PHLDB2: variants seen among roughly 807,000 people sequenced by gnomAD.
PHLDB2 encodes pleckstrin homology like domain family B member 2, also known as pleckstrin homology-like domain family B member 2.
In PHLDB2, 71 loss-of-function variants were observed where a neutral mutation model predicts 123.6. The observed-to-expected ratio is 0.57, with a 90% CI of 0.47 to 0.70. The LOEUF is 0.70. Ranked by LOEUF, PHLDB2 falls within the 30% of genes least tolerant of loss-of-function variation. The probability of loss-of-function intolerance (pLI) is 0.00; values close to 1 mark genes in which losing one functional copy is unlikely to be tolerated. For synonymous variants in PHLDB2, 547 were observed against 541.6 expected, an observed-to-expected ratio of 1.01 and a Z score of -0.14; for missense variants, 1,446 against 1,519.5, an observed-to-expected ratio of 0.95 and a Z score of 0.80.
At chr3:111,878,078 G>T (rs1576974533) in intron 1 of PHLDB2, among the ~76,000 whole-genome samples, 1 of 152,008 alleles carries the variant, frequency 6.6e-6, no homozygotes, top group Admixed American at 6.6e-5. Context: ...GTTTTTTCCA[G>T]TTCTGTGAAG....
chr3:111,740,934 A>AG (rs1314548920), intron 1 of PHLDB2, among the ~76,000 whole-genome samples: 1 of 150,992 alleles, frequency 6.6e-6, no homozygotes, highest in Non-Finnish European at 1.5e-5. Flanking sequence ...GGGAGAGGAG[A>AG]GGGGGGAGAA....
intron 1 of PHLDB2, among the ~76,000 whole-genome samples, chr3:111,735,664 C>T (rs1404707593): frequency 2.6e-5 from 4 of 152,158 alleles, no homozygotes; most frequent in Non-Finnish European, 5.9e-5. Flanking sequence ...ACTTACATGC[C>T]ATCATTTTCA....
At chr3:111,789,299 A>C (rs4516581) in intron 1 of PHLDB2, among the ~76,000 whole-genome samples, 32,752 of 152,108 alleles carry the variant, frequency 0.22, 3,855 homozygotes, top group African/African-American at 0.3. Context: ...GCTTTCTGAG[A>C]AGGTGTAATA....
At position 111,901,251 on chromosome 3, in the gene PHLDB2, T is replaced by A. The variant is rs550842683; in HGVS notation, c.1336-12068T>A. ...GGCACATGCCTGTGGTCCCAGCTACTCAGGAGGCTGAGGCAGGAAAATCAC... is the reference window on the plus strand; with the variant it reads ...GGCACATGCCTGTGGTCCCAGCTACACAGGAGGCTGAGGCAGGAAAATCAC... On this transcript the variant is annotated intron_variant, in intron 2 of 17. Coordinates refer to ENST00000431670, the MANE Select transcript of PHLDB2 (RefSeq NM_001134438.2). Among the ~76,000 whole-genome samples, 5 of 151,606 alleles carry A rather than the reference T, an allele frequency of 3.3e-5. No homozygotes were observed. The South Asian group carries it at 1.0e-3, about 32-fold the overall frequency.
chr3:111,943,101 A>G (rs2107607764), intron 8 of PHLDB2, among the ~76,000 whole-genome samples: 1 of 152,262 alleles, frequency 6.6e-6, no homozygotes, highest in South Asian at 2.1e-4. Flanking sequence ...ACAACTTTGA[A>G]CGAGAACAAA....
intron 2 of PHLDB2, among the ~76,000 whole-genome samples, chr3:111,908,951 G>C (rs1315716013): frequency 6.6e-6 from 1 of 152,080 alleles, no homozygotes; most frequent in Non-Finnish European, 1.5e-5. Flanking sequence ...ACTTACTTTA[G>C]GGCTGTTGTA....
intron 1 of PHLDB2, among the ~76,000 whole-genome samples, chr3:111,868,417 C>T (rs888406682): frequency 2.0e-5 from 3 of 152,044 alleles, no homozygotes; most frequent in Non-Finnish European, 4.4e-5. Context: ...TCTCTTTAAT[C>T]GAGAATACTT....
At chr3:111,974,154 ACTC>A (rs779497825) in intron 17 of PHLDB2, among the ~76,000 whole-genome samples, 25 of 152,062 alleles carry the variant, frequency 1.6e-4, no homozygotes, top group Non-Finnish European at 3.1e-4. Flanking sequence ...TATTTATTAA[ACTC>A]CTACTCTCAG....
chr3:111,911,065 G>T (rs2067855812), intron 2 of PHLDB2, among the ~76,000 whole-genome samples: 1 of 152,160 alleles, frequency 6.6e-6, no homozygotes, highest in Non-Finnish European at 1.5e-5. Flanking sequence ...CTTAAGGCTG[G>T]GATCATTTAT....
chr3:111,748,595 C>G (rs2059719284), intron 1 of PHLDB2, among the ~76,000 whole-genome samples: 1 of 152,066 alleles, frequency 6.6e-6, no homozygotes, highest in South Asian at 2.1e-4. Flanking sequence ...GATCTCGGCT[C>G]ACTGCAACCT....
chr3:111,778,366 T>C (rs920444893), intron 1 of PHLDB2: 1 of 152,050 alleles, frequency 6.6e-6, no homozygotes, highest in East Asian at 1.9e-4. Context: ...GCTTCCCTCA[T>C]AGCCTTCAGA....
Position 111,884,730 on chromosome 3 carries a change from C to A in PHLDB2, c.653C>A (p.Ala218Glu). ...ARKMSIQDSL[A>E]LQPKLTRHKE... ...AAAATGAGCATTCAGGACAGCCTGG[C>A]GCTTCAACCCAAGTTAACTAGACAC... The change falls in exon 2 of 18, where the codon GCG becomes GAG. Residue 218 changes from alanine to glutamate, a missense_variant. This residue lies in a region of PHLDB2 where 832 missense variants were observed against 831.9 expected (regional missense o/e 1.00). Coordinates refer to ENST00000431670, the MANE Select transcript of PHLDB2 (RefSeq NM_001134438.2). 6.2e-7 allele frequency: 1 copy of A among 1,614,032 alleles called. No individual in the cohort carries two copies. Among genetic ancestry groups the A allele is most frequent in the African/African-American group, 1.3e-5 (1 of 75,000 alleles).
intron 1 of PHLDB2, among the ~76,000 whole-genome samples, chr3:111,782,367 A>C (rs1426970678): frequency 1.3e-5 from 2 of 152,056 alleles, no homozygotes; most frequent in African/African-American, 4.8e-5. Context: ...TCAGTTCCAA[A>C]ATATAAAGCG....
At chr3:111,903,255 T>C (rs2067304406) in intron 2 of PHLDB2, among the ~76,000 whole-genome samples, 1 of 152,240 alleles carries the variant, frequency 6.6e-6, no homozygotes, top group East Asian at 1.9e-4. Flanking sequence ...CTGGGTTTTA[T>C]GTCAAGGGTG....
chr3:111,951,418 A>T (rs1233220005), intron 10 of PHLDB2, among the ~76,000 whole-genome samples: 1 of 152,230 alleles, frequency 6.6e-6, no homozygotes, highest in African/African-American at 2.4e-5. Flanking sequence ...GCTAGTATAA[A>T]CAGTTAATTA....
intron 1 of PHLDB2, among the ~76,000 whole-genome samples, chr3:111,860,859 T>A (rs1359883171): frequency 6.6e-6 from 1 of 152,204 alleles, no homozygotes; most frequent in Admixed American, 6.5e-5. Context: ...AGACGAGGCA[T>A]AAAAATGTGG....
chr3:111,921,160 GT>G (rs995407608), intron 5 of PHLDB2, among the ~76,000 whole-genome samples: 12 of 152,042 alleles, frequency 7.9e-5, no homozygotes, highest in Admixed American at 6.6e-4. Context: ...CTGTTTATGT[GT>G]TTTTTTCCTC....
chr3:111,884,567 C>T lies in PHLDB2; in HGVS notation c.490C>T (p.Leu164Phe). The change falls in exon 2 of 18, where the codon CTT (leucine) becomes TTT (phenylalanine). Residue 164 changes from leucine (L) to phenylalanine (F), a missense_variant. Physicochemically the swap from Leu to Phe is conservative, Grantham distance 22. This residue lies in a region of PHLDB2 where 832 missense variants were observed against 831.9 expected (regional missense o/e 1.00). Transcript: ENST00000431670. ...TAAATCGCATGACAATGTCTACTCT[C>T]TTGGAGGGCTGGAAGGTCGGAAGGC... ...RHKSHDNVYS[L>F]GGLEGRKASG... The T allele has an allele frequency of 6.2e-7, 1 of 1,614,116 alleles. No individual in the cohort carries two copies. The highest frequency in any genetic ancestry group is 8.5e-7 in the Non-Finnish European group (1 of 1,180,022).
At chr3:111,850,308 G>T (rs1285649818) in intron 2 of PHLDB2, among the ~76,000 whole-genome samples, 2 of 152,130 alleles carry the variant, frequency 1.3e-5, no homozygotes, top group South Asian at 2.1e-4. Context: ...AGAAGGTGAG[G>T]GGGGCAGGGC....
Sources: allele counts gnomAD v4.1 joint callset (sites outside exome capture counted in the v4.1 genomes callset), GRCh38; gene constraint gnomAD v4.1.1; regional missense constraint gnomAD v4.1.1; transcripts MANE v1.5; gene names NCBI Gene and HGNC (gene_info 2026-07-23, HGNC 2026-07-21).